Variants in GABRB3 observed in about 807,000 individuals in gnomAD.
GABRB3 encodes the protein gamma-aminobutyric acid type A receptor subunit beta3.
Under a neutral mutation model 52.1 loss-of-function variants are expected in GABRB3, and 14 were observed. The observed-to-expected ratio is 0.27, with a 90% CI of 0.18 to 0.42. The LOEUF is 0.42. GABRB3 is among the 10% of genes least tolerant of loss of function. The pLI is 1.00. For missense variants in GABRB3, 307 were observed against 609.1 expected, an observed-to-expected ratio of 0.50 and a Z score of 5.22; for synonymous variants, 260 against 232.3, an observed-to-expected ratio of 1.12 and a Z score of -1.08.
chr15:26,610,971 T>C (rs928406274), intron 4 of GABRB3, among the ~76,000 whole-genome samples: 1 of 152,200 alleles, frequency 6.6e-6, no homozygotes. Context: ...TTATGTGACA[T>C]TGTTTGAGAA....
At chr15:26,763,725 T>C (rs1264932044) in intron 3 of GABRB3, among the ~76,000 whole-genome samples, 1 of 151,598 alleles carries the variant, frequency 6.6e-6, no homozygotes, top group Non-Finnish European at 1.5e-5. Context: ...AAAATAAAAT[T>C]TAAAAGAACA....
chr15:26,554,197 A>ATATATATATATAG (rs1567097941), intron 8 of GABRB3, among the ~76,000 whole-genome samples: 1 of 83,042 alleles, frequency 1.2e-5, no homozygotes, highest in Non-Finnish European at 2.4e-5. Context: ...TATACTATAT[A>ATATATATATATAG]TATATATATA....
intron 3 of GABRB3, among the ~76,000 whole-genome samples, chr15:26,753,831 T>C (rs1890582516): frequency 6.6e-6 from 1 of 152,130 alleles, no homozygotes; most frequent in South Asian, 2.1e-4. Flanking sequence ...AATACACTGG[T>C]CTGGGGCGAG....
chr15:26,616,035 C>A (rs1443855704), intron 4 of GABRB3: 1 of 1,289,094 alleles, frequency 7.8e-7, no homozygotes, highest in African/African-American at 1.5e-5. Flanking sequence ...CTGTGCCAGA[C>A]CTCCTCCAGG....
At position 26,557,891 on chromosome 15, in the gene GABRB3, GT is replaced by G. The variant is rs935889176; in HGVS notation, c.1080+3040del. The G allele has an allele frequency of 2.6e-5, 4 of 152,186 alleles. No homozygotes were observed. In the South Asian group the frequency reaches 6.2e-4, roughly 24 times the overall value. 9.4% of individuals were successfully genotyped at this position (152,186 alleles called of 1,614,324 possible). ...GCTAATTTTCTCTATGGATGCTAGAGTTTTTTTGTCTTTTTATCTTAGATTT... is the reference window on the plus strand; with the variant it reads ...GCTAATTTTCTCTATGGATGCTAGAGTTTTTTGTCTTTTTATCTTAGATTT... On this transcript the variant is annotated intron_variant, in intron 8 of 8. Coordinates refer to ENST00000311550, the MANE Select transcript of GABRB3 (RefSeq NM_000814.6).
In GABRB3 at chr15:26,580,404, A is replaced by G. The variant is rs1179168549; in HGVS notation, c.597T>C (p.Ala199=). ...IEFYWRGGDK[A]VTGVERIELP... is the part of the protein sequence containing the mutation. ...GCTCAATCCTTTCCACTCCGGTAAC[A>G]GCCTTGTCCCCGCCTCGCCAGTAAA... Residue 199 remains alanine (A), a synonymous_variant, in exon 6 of 9, where the codon GCT becomes GCC. Coordinates refer to ENST00000311550, the MANE Select transcript of GABRB3 (RefSeq NM_000814.6). 6 of 1,614,170 alleles carry G rather than the reference A, an allele frequency of 3.7e-6. No individual in the cohort carries two copies. The highest frequency in any genetic ancestry group is 1.7e-5 in the Admixed American group (1 of 60,010).
In GABRB3 at chr15:26,714,057, A is replaced by C. The variant is rs554888553; in HGVS notation, c.240+58345T>G. Among the ~76,000 whole-genome samples the C allele has an allele frequency of 6.6e-5, 10 of 152,370 alleles. No individual in the cohort carries two copies. The South Asian group carries it at 1.9e-3, about 28-fold the overall frequency. On this transcript the variant is annotated intron_variant, in intron 3 of 8. Coordinates refer to ENST00000311550, the MANE Select transcript of GABRB3 (RefSeq NM_000814.6). ...CGTGCCAGCAACGAGAACAATAATA[A>C]GGAGAATATGTTTGTCACTGCATTC...
intron 3 of GABRB3, among the ~76,000 whole-genome samples, chr15:26,677,080 G>A (rs1459091360): frequency 1.3e-5 from 2 of 152,096 alleles, no homozygotes; most frequent in Non-Finnish European, 2.9e-5. Context: ...TCGATAAGTT[G>A]GATCCCAGTT....
intron 3 of GABRB3, among the ~76,000 whole-genome samples, chr15:26,640,950 A>G (rs912847443): frequency 6.6e-6 from 1 of 152,226 alleles, no homozygotes; most frequent in South Asian, 2.1e-4. Flanking sequence ...ATCAGTCATG[A>G]TTCTCTTGCT....
intron 3 of GABRB3, among the ~76,000 whole-genome samples, chr15:26,752,776 T>C (rs7174437): frequency 0.083 from 12,684 of 152,144 alleles, 736 homozygotes; most frequent in East Asian, 0.29. Context: ...ATGTCCATTA[T>C]TATTAACTAC....
chr15:26,595,719 A>G (rs2140768647), intron 4 of GABRB3, among the ~76,000 whole-genome samples: 1 of 152,280 alleles, frequency 6.6e-6, no homozygotes, highest in East Asian at 1.9e-4. Context: ...CTGTTCCAGG[A>G]ATGCCTCTAA....
intron 3 of GABRB3, among the ~76,000 whole-genome samples, chr15:26,676,072 G>C (rs753451086): frequency 6.6e-6 from 1 of 152,164 alleles, no homozygotes; most frequent in Non-Finnish European, 1.5e-5. Context: ...AAGGAATTGA[G>C]CTAATTAATT....
intron 6 of GABRB3, among the ~76,000 whole-genome samples, 175 bp from the exon 7 acceptor site, chr15:26,567,908 G>C (rs988827153): frequency 2.6e-5 from 4 of 152,116 alleles, no homozygotes; most frequent in Non-Finnish European, 5.9e-5. Flanking sequence ...GAATTAGGAG[G>C]GGGGTGCTTT....
chr15:26,694,998 T>A (rs1888693086), intron 3 of GABRB3, among the ~76,000 whole-genome samples: 1 of 152,108 alleles, frequency 6.6e-6, no homozygotes, highest in Non-Finnish European at 1.5e-5. Flanking sequence ...CAATAGAGAC[T>A]TTTCAAACTG....
intron 3 of GABRB3, among the ~76,000 whole-genome samples, chr15:26,648,363 GT>G (rs1441818732): frequency 6.6e-6 from 1 of 152,176 alleles, no homozygotes; most frequent in Non-Finnish European, 1.5e-5. Context: ...AGAATGTTCT[GT>G]TTGCACAGAG....
At chr15:26,694,650 T>C (rs886262159) in intron 3 of GABRB3, among the ~76,000 whole-genome samples, 1 of 152,188 alleles carries the variant, frequency 6.6e-6, no homozygotes, top group Admixed American at 6.5e-5. Flanking sequence ...TGTCTGGTTT[T>C]CAACAAAAAA....
rs144246547 is a variant in GABRB3, at chr15:26,561,891, T to C, written c.836-715A>G. On this transcript the variant is annotated intron_variant, in intron 7 of 8. Transcript: ENST00000311550. ...AATGTTTGCTCAAGTTAAGGGTTAA[T>C]GATTTCATTCATCTTATAGAATCCC... Among the ~76,000 whole-genome samples the C allele has an allele frequency of 5.2e-3, 794 of 152,334 alleles. 6 individuals are homozygous for C. Among genetic ancestry groups the C allele is most frequent in the African/African-American group, 0.018 (767 of 41,574 alleles).
chr15:26,696,302 C>T (rs1176280146), intron 3 of GABRB3, among the ~76,000 whole-genome samples: 1 of 152,070 alleles, frequency 6.6e-6, no homozygotes, highest in African/African-American at 2.4e-5. Context: ...TGGTGTTTAG[C>T]ATTTTGTATA....
chr15:26,651,244 C>G (rs974375174), intron 3 of GABRB3, among the ~76,000 whole-genome samples: 2 of 152,230 alleles, frequency 1.3e-5, no homozygotes, highest in Admixed American at 1.3e-4. Flanking sequence ...TGCTGGCGTC[C>G]AGAGGAGCTG....
Sources: allele counts gnomAD v4.1 joint callset (sites outside exome capture counted in the v4.1 genomes callset), GRCh38; gene constraint gnomAD v4.1.1; transcripts MANE v1.5; gene names NCBI Gene and HGNC (gene_info 2026-07-23, HGNC 2026-07-21).